Variants in DLC1 observed in about 807,000 individuals in gnomAD.
DLC1 encodes the protein DLC1 Rho GTPase activating protein.
A neutral mutation model predicts 140.3 loss-of-function variants in DLC1; 54 were observed. The observed-to-expected ratio is 0.38, with a 90% CI of 0.31 to 0.48. The LOEUF (loss-of-function observed/expected upper bound fraction) is 0.48, where lower values mean the gene tolerates loss of function less well. DLC1 is among the 20% of genes least tolerant of loss of function. DLC1 has a pLI of 0.96. For synonymous variants in DLC1, 986 were observed against 728.1 expected (o/e 1.35, Z -5.70); for missense variants, 2,536 against 1,907.0 (o/e 1.33, Z -6.14).
intron 5 of DLC1, among the ~76,000 whole-genome samples, chr8:13,152,957 C>G (rs1209118469): frequency 6.6e-6 from 1 of 152,016 alleles, no homozygotes; most frequent in Non-Finnish European, 1.5e-5. Context: ...ACTACTTTGA[C>G]CATAACAGAC....
At chr8:13,113,557 C>T (rs1336567374) in intron 6 of DLC1, among the ~76,000 whole-genome samples, 1 of 152,176 alleles carries the variant, frequency 6.6e-6, no homozygotes, top group African/African-American at 2.4e-5. Context: ...GGCAGCAAAT[C>T]AATGCCAAAA....
chr8:13,451,037 C>CAAAAAAAA (rs1169620786), intron 2 of DLC1, among the ~76,000 whole-genome samples: 809 of 18,420 alleles, frequency 0.044, 39 homozygotes, highest in Middle Eastern at 0.12. Context: ...GACTCCGTCT[C>CAAAAAAAA]AAAAAAAAAA....
intron 1 of DLC1, chr8:13,567,629 C>A (rs1563446081): frequency 1.3e-6 from 2 of 1,551,674 alleles, no homozygotes; most frequent in Non-Finnish European, 1.7e-6. Flanking sequence ...GCCCTGTCTG[C>A]CTTTCTGAAA....
intron 5 of DLC1, among the ~76,000 whole-genome samples, chr8:13,177,534 A>C (rs1215091535): frequency 1.3e-5 from 2 of 152,226 alleles, no homozygotes; most frequent in African/African-American, 4.8e-5. Context: ...CCTGCGTAAG[A>C]GATGTGGTAA....
At chr8:13,419,453 C>T (rs1838212915) in intron 2 of DLC1, among the ~76,000 whole-genome samples, 1 of 152,172 alleles carries the variant, frequency 6.6e-6, no homozygotes, top group Non-Finnish European at 1.5e-5. Context: ...AAGGCCTTTT[C>T]TGCATATGTT....
intron 4 of DLC1, among the ~76,000 whole-genome samples, chr8:13,316,062 C>T (rs952460411): frequency 1.3e-5 from 2 of 152,220 alleles, no homozygotes; most frequent in African/African-American, 4.8e-5. Flanking sequence ...CAACACCTCC[C>T]TTTCAAGAAC....
rs538722209 is a variant in DLC1, at chr8:13,186,143, G to T, written c.1349-70486C>A. Among the ~76,000 whole-genome samples the T allele has an allele frequency of 2.0e-4, 30 of 152,178 alleles. 1 individual carries two copies. In the South Asian group the frequency reaches 3.9e-3, roughly 20 times the overall value. The stretch of plus-strand genomic sequence containing the variant: ...TATGTGTCTTGGGGTTGGTCTTCTC[G>T]AGAAGTATCTTTGTGGTGTTCTCTG... On this transcript the variant is annotated intron_variant, in intron 5 of 17. Transcript: ENST00000276297.
intron 4 of DLC1, among the ~76,000 whole-genome samples, chr8:13,310,736 G>C (rs909398181): frequency 7.2e-5 from 11 of 152,132 alleles, no homozygotes; most frequent in African/African-American, 2.4e-4. Flanking sequence ...GGATTTTATT[G>C]AAAAGCTGTG....
At chr8:13,327,817 G>A (rs181865093) in intron 4 of DLC1, among the ~76,000 whole-genome samples, 3 of 152,276 alleles carry the variant, frequency 2.0e-5, no homozygotes, top group East Asian at 1.9e-4. Flanking sequence ...ATAATTAAAT[G>A]AATGGCCATT....
intron 17 of DLC1, 163 bp from the exon 18 acceptor site, chr8:13,086,094 A>G (rs375390980): frequency 1.5e-6 from 2 of 1,363,780 alleles, no homozygotes; most frequent in Non-Finnish European, 1.9e-6. Context: ...TTAGAACCAC[A>G]TTTTCTAAGG....
chr8:13,101,109 CT>C (rs1292251767), intron 8 of DLC1, among the ~76,000 whole-genome samples: 1 of 152,070 alleles, frequency 6.6e-6, no homozygotes, highest in Non-Finnish European at 1.5e-5. Context: ...AGTAGTCTTA[CT>C]ATGCTGCCTA....
intron 2 of DLC1, among the ~76,000 whole-genome samples, chr8:13,408,193 A>G (rs1837645826): frequency 6.6e-6 from 1 of 152,192 alleles, no homozygotes. Flanking sequence ...TATTCCGTTC[A>G]ACTCCAAGTT....
At chr8:13,541,378 C>T (rs1400578711) in intron 1 of DLC1, among the ~76,000 whole-genome samples, 3 of 152,180 alleles carry the variant, frequency 2.0e-5, no homozygotes, top group Non-Finnish European at 2.9e-5. Context: ...CACTGCCAAA[C>T]TGTTCCAATG....
chr8:13,319,291 C>T lies in DLC1; in HGVS notation c.1315-13989G>A, dbSNP rs147230337. On this transcript the variant is annotated intron_variant, in intron 4 of 17. Transcript: ENST00000276297. The stretch of plus-strand genomic sequence containing the variant: ...TGCATTATAATTAAGATCCCATTTT[C>T]GCCTCCGTTCCCTGCCCCGCCCTCC... Among the ~76,000 whole-genome samples the T allele has an allele frequency of 3.0e-3, 461 of 152,286 alleles. 4 individuals carry two copies. The highest frequency in any genetic ancestry group is 0.011 in the African/African-American group (450 of 41,552).
In DLC1 at chr8:13,083,701, T is replaced by C. The variant is rs1029958831; in HGVS notation, c.*2110A>G. The C allele has an allele frequency of 6.6e-6, 1 of 152,666 alleles. No individual in the cohort carries two copies. The highest frequency in any genetic ancestry group is 1.5e-5 in the Non-Finnish European group (1 of 68,056). The allele number at this position is 152,666 out of a possible 1,614,324, so 9.5% of individuals were successfully genotyped here. A position where few individuals can be genotyped will look rare whatever the true frequency, so the allele number is the denominator to read the frequency against. On this transcript the variant is annotated 3_prime_UTR_variant, in exon 18 of 18. Transcript: ENST00000276297. ...GCGTCGTTTCCTAACTGGACCTTTG[T>C]TGGAGAGAATCTCCGTGCTTCCTGA...
At position 13,582,684 on chromosome 8, in the gene DLC1, C is replaced by T. The variant is rs150866051; in HGVS notation, c.-126+21853G>A. On this transcript the variant is annotated intron_variant, in intron 1 of 1. Transcript: ENST00000631382. ...GTGTGAGTTAATACTTAATAAACTTCCATATATATATATATTTTTTCCATT... is the reference window on the plus strand; with the variant it reads ...GTGTGAGTTAATACTTAATAAACTTTCATATATATATATATTTTTTCCATT... 1.7e-3 allele frequency among the ~76,000 whole-genome samples: 265 copies of T among 151,542 alleles called. 3 individuals carry two copies. The highest frequency in any genetic ancestry group is 6.0e-3 in the African/African-American group (247 of 41,282).
At chr8:13,242,631 G>C (rs1428436520) in intron 5 of DLC1, among the ~76,000 whole-genome samples, 3 of 152,040 alleles carry the variant, frequency 2.0e-5, no homozygotes, top group Middle Eastern at 3.2e-3. Flanking sequence ...GGGCTCAAGC[G>C]ATTCTCCTAC....
chr8:13,438,222 C>G (rs1287642144), intron 2 of DLC1, among the ~76,000 whole-genome samples: 3 of 152,114 alleles, frequency 2.0e-5, no homozygotes, highest in East Asian at 3.9e-4. Flanking sequence ...TTTGTGGACT[C>G]TAGCACGGGT....
At chr8:13,119,829 C>A (rs568370298) in intron 5 of DLC1, among the ~76,000 whole-genome samples, 1 of 151,600 alleles carries the variant, frequency 6.6e-6, no homozygotes, top group African/African-American at 2.4e-5. Flanking sequence ...TGCCTGTATT[C>A]GCAGCTACTC....
Sources: allele counts gnomAD v4.1 joint callset (sites outside exome capture counted in the v4.1 genomes callset), GRCh38; gene constraint gnomAD v4.1.1; transcripts MANE v1.5; gene names NCBI Gene and HGNC (gene_info 2026-07-23, HGNC 2026-07-21).